Variants in TMC1 observed in about 807,000 individuals in gnomAD.
TMC1 encodes transmembrane channel-like protein 1.
Under a neutral mutation model 105.8 loss-of-function variants are expected in TMC1, and 84 were observed. The observed-to-expected ratio is 0.79, with a 90% confidence interval of 0.67 to 0.95. The LOEUF (loss-of-function observed/expected upper bound fraction) is 0.95, where lower values mean the gene tolerates loss of function less well. TMC1 is among the 40% of genes least tolerant of loss of function. TMC1 has a pLI of 0.00. For missense variants in TMC1, 817 were observed against 914.1 expected, an observed-to-expected ratio of 0.89 and a Z score of 1.37; for synonymous variants, 315 against 311.5, an observed-to-expected ratio of 1.01 and a Z score of -0.12.
intron 2 of TMC1, among the ~76,000 whole-genome samples, chr9:72,614,553 T>C (rs977015703): frequency 2.0e-5 from 3 of 152,306 alleles, no homozygotes; most frequent in Admixed American, 2.0e-4. Flanking sequence ...TGTGATTAAT[T>C]TTTGCAAGGT....
At position 72,623,493 on chromosome 9, in the gene TMC1, T is replaced by C. The variant is rs368598154; in HGVS notation, c.-195-4428T>C. ...TCAGTGGGGACATTAATGTGTTTCTTGGTAGAAATGTCACTCTACTCCAAG... is the reference window on the plus strand; with the variant it reads ...TCAGTGGGGACATTAATGTGTTTCTCGGTAGAAATGTCACTCTACTCCAAG... On this transcript the variant is annotated intron_variant, in intron 3 of 23. Transcript: ENST00000297784. 1.4e-4 allele frequency among the ~76,000 whole-genome samples: 21 copies of C among 152,300 alleles called. No homozygotes were observed. In the East Asian group the frequency reaches 3.9e-3, roughly 28 times the overall value.
chr9:72,713,934 T>A (rs1275926330), intron 8 of TMC1, among the ~76,000 whole-genome samples: 2 of 152,172 alleles, frequency 1.3e-5, no homozygotes, highest in African/African-American at 4.8e-5. Context: ...AACATACTGC[T>A]TTCAATGTGT....
intron 2 of TMC1, 50 bp downstream of exon 2, chr9:72,578,073 G>A (rs1359046241): frequency 6.6e-6 from 1 of 152,042 alleles, no homozygotes; most frequent in Non-Finnish European, 1.5e-5. Context: ...TAGAGGCAGG[G>A]TTTCACCATG....
At chr9:72,603,069 AG>A (rs1824845821) in intron 2 of TMC1, among the ~76,000 whole-genome samples, 1 of 152,164 alleles carries the variant, frequency 6.6e-6, no homozygotes, top group Non-Finnish European at 1.5e-5. Flanking sequence ...TTTTTTCAAT[AG>A]TACAGATGGC....
intron 11 of TMC1, among the ~76,000 whole-genome samples, chr9:72,752,437 T>C (rs1827594438): frequency 8.2e-6 from 1 of 122,386 alleles, no homozygotes; most frequent in Non-Finnish European, 1.6e-5. Context: ...CAAAGTAAGA[T>C]AATGCCCACA....
intron 2 of TMC1, among the ~76,000 whole-genome samples, chr9:72,609,403 G>A (rs1386564336): frequency 6.6e-6 from 1 of 152,074 alleles, no homozygotes; most frequent in Non-Finnish European, 1.5e-5. Context: ...GTAGTGTATG[G>A]TGGCACCGCA....
chr9:72,699,131 A>C (rs939781914), intron 7 of TMC1, among the ~76,000 whole-genome samples: 2 of 152,222 alleles, frequency 1.3e-5, no homozygotes, highest in African/African-American at 4.8e-5. Context: ...ATAATCTATT[A>C]CCAAAAAGCT....
intron 19 of TMC1, 47 bp downstream of exon 19, chr9:72,816,257 G>A: frequency 6.4e-7 from 1 of 1,556,272 alleles, no homozygotes; most frequent in Non-Finnish European, 8.9e-7. Flanking sequence ...AAGCCTCCCA[G>A]GTTATTTTTG....
chr9:72,713,054 C>G (rs1198357110), intron 8 of TMC1, among the ~76,000 whole-genome samples: 1 of 152,120 alleles, frequency 6.6e-6, no homozygotes, highest in Non-Finnish European at 1.5e-5. Flanking sequence ...GTGATTGGTT[C>G]TGTTTATGTG....
At chr9:72,700,760 A>G in intron 8 of TMC1, 117 bp downstream of exon 8, 1 of 175,554 alleles carries the variant, frequency 5.7e-6, no homozygotes, top group Non-Finnish European at 8.7e-6. Context: ...ACACACACAC[A>G]TACACACACA....
Position 72,694,613 on chromosome 9 carries a change from C to G in TMC1, c.135C>G (p.Thr45=). Residue 45 remains threonine (T), a synonymous_variant, in exon 7 of 24, where the codon ACC becomes ACG. Transcript: ENST00000297784. ...GCTTGAGACCAAAGAGGAAACGGAC[C>G]AGAGATGTTATCAATGAGGATGACC... ...RESLRPKRKR[T]RDVINEDDPE... is the part of the protein sequence containing the mutation. The G allele has an allele frequency of 6.2e-7, 1 of 1,612,952 alleles. No homozygotes were observed. Among genetic ancestry groups the G allele is most frequent in the Non-Finnish European group, 8.5e-7 (1 of 1,179,514 alleles).
In TMC1 at chr9:72,700,593, T is replaced by G. The variant is rs1379559009; in HGVS notation, c.312T>G (p.Ala104=). ...TAGATGAGAAAAGACAAATAATTGC[T>G]ACTGTCAAATGCAAACCATGGAAGA... ...AELDEKRQII[A]TVKCKPWKME... is the part of the protein sequence containing the mutation. The change falls in exon 8 of 24, where the codon GCT becomes GCG. Residue 104 remains alanine (A), a synonymous_variant. Transcript: ENST00000297784. 3 of 1,608,646 alleles carry G rather than the reference T, an allele frequency of 1.9e-6. No individual in the cohort carries two copies.
At chr9:72,583,961 C>A (rs531547105) in intron 2 of TMC1, among the ~76,000 whole-genome samples, 1 of 152,336 alleles carries the variant, frequency 6.6e-6, no homozygotes, top group Non-Finnish European at 1.5e-5. Flanking sequence ...TAGTCTATTT[C>A]ATTTTGATAT....
chr9:72,596,536 T>C (rs965099500), intron 2 of TMC1, among the ~76,000 whole-genome samples: 1 of 103,664 alleles, frequency 9.6e-6, no homozygotes, highest in Non-Finnish European at 1.9e-5. Context: ...ACAGTTTCAA[T>C]TGTAAAAAAA....
At chr9:72,751,997 G>A (rs758699963) in intron 11 of TMC1, 41 bp downstream of exon 11, 4 of 1,256,888 alleles carry the variant, frequency 3.2e-6, no homozygotes, top group South Asian at 1.2e-5. Flanking sequence ...GCTGAAAAAT[G>A]TTTCTCCTAG....
At chr9:72,587,808 CAG>C (rs1396939596) in intron 2 of TMC1, among the ~76,000 whole-genome samples, 1 of 146,066 alleles carries the variant, frequency 6.8e-6, no homozygotes, top group East Asian at 2.0e-4. Context: ...TTTTTTGAGA[CAG>C]AGCCTCACTG....
intron 19 of TMC1, among the ~76,000 whole-genome samples, chr9:72,819,071 A>G (rs1828831705): frequency 6.6e-6 from 1 of 152,216 alleles, no homozygotes; most frequent in East Asian, 1.9e-4. Flanking sequence ...AACAACCTCA[A>G]AATCGTAGCA....
At chr9:72,796,187 G>A (rs763315720) in intron 17 of TMC1, among the ~76,000 whole-genome samples, 1 of 152,100 alleles carries the variant, frequency 6.6e-6, no homozygotes, top group East Asian at 1.9e-4. Context: ...AGAGTACCCA[G>A]ATTCATAAAG....
intron 3 of TMC1, among the ~76,000 whole-genome samples, chr9:72,622,265 A>T (rs142721048): frequency 2.0e-5 from 3 of 152,310 alleles, no homozygotes; most frequent in Non-Finnish European, 2.9e-5. Context: ...AAGCAAAGGA[A>T]GGTCACTCCT....
Sources: allele counts gnomAD v4.1 joint callset (sites outside exome capture counted in the v4.1 genomes callset), GRCh38; gene constraint gnomAD v4.1.1; transcripts MANE v1.5; gene names NCBI Gene and HGNC (gene_info 2026-07-23, HGNC 2026-07-21).